Variants in DZIP1L observed in about 807,000 individuals in gnomAD.
DZIP1L encodes cilium assembly protein DZIP1L.
In DZIP1L, 90 loss-of-function variants were observed where a neutral mutation model predicts 88.7. The observed-to-expected ratio is 1.02, with a 90% CI of 0.86 to 1.21. DZIP1L has a LOEUF of 1.21. DZIP1L is among the 50% of genes most tolerant of loss of function. The pLI is 0.00. For synonymous variants in DZIP1L, 363 were observed against 372.1 expected (o/e 0.98, Z 0.28); for missense variants, 932 against 955.8 (o/e 0.98, Z 0.33).
chr3:138,101,063 CATAT>C (rs968467348), intron 2 of DZIP1L, among the ~76,000 whole-genome samples: 2 of 152,120 alleles, frequency 1.3e-5, no homozygotes, highest in Non-Finnish European at 2.9e-5. Flanking sequence ...AATCCTCCAT[CATAT>C]ATAAATATGC....
chr3:138,095,052 T>C (rs1944407228), intron 3 of DZIP1L, 69 bp from the exon 4 acceptor site: 2 of 1,606,744 alleles, frequency 1.2e-6, no homozygotes, highest in African/African-American at 1.3e-5. Flanking sequence ...GTTTCTCACC[T>C]TGTCAATCAG....
At chr3:138,089,085 T>C in intron 5 of DZIP1L, 1 of 985,454 alleles carries the variant, frequency 1.0e-6, no homozygotes, top group Non-Finnish European at 1.2e-6. Flanking sequence ...TTATAATATA[T>C]GACTGTCGTA....
rs1435657735 is a variant in DZIP1L, at chr3:138,077,646, C to T, written c.1289-14G>A. On this transcript the variant is annotated splice_polypyrimidine_tract_variant and intron_variant, in intron 10 of 15. Transcript: ENST00000327532. ...AGTCCTCCATCTCTGTAGCATGAGA[C>T]ATTCACCCAGATCAGCCTGGGCACC... 3.7e-6 allele frequency: 6 copies of T among 1,613,712 alleles called. No individual in the cohort carries two copies. Among genetic ancestry groups the T allele is most frequent in the Non-Finnish European group, 5.1e-6 (6 of 1,179,790 alleles).
intron 3 of DZIP1L, among the ~76,000 whole-genome samples, chr3:138,097,085 G>A (rs573327132): frequency 2.1e-4 from 32 of 151,996 alleles, no homozygotes; most frequent in Non-Finnish European, 3.8e-4. Context: ...GGAGGCTGAG[G>A]TACGGGGATT....
intron 10 of DZIP1L, among the ~76,000 whole-genome samples, chr3:138,079,271 CCTAT>C (rs1311508416): frequency 6.6e-6 from 1 of 152,282 alleles, no homozygotes; most frequent in Admixed American, 6.5e-5. Context: ...TGTGATTCAT[CCTAT>C]CTGAGTTACT....
intron 1 of DZIP1L, among the ~76,000 whole-genome samples, chr3:138,114,257 T>C (rs1007870400): frequency 6.6e-6 from 1 of 152,214 alleles, no homozygotes; most frequent in Non-Finnish European, 1.5e-5. Context: ...CAATTTGAGT[T>C]GAGCAAAAAA....
intron 12 of DZIP1L, among the ~76,000 whole-genome samples, chr3:138,070,586 C>A (rs1416253344): frequency 1.3e-5 from 2 of 152,090 alleles, no homozygotes; most frequent in Non-Finnish European, 2.9e-5. Context: ...CTATGTTAGT[C>A]TTATTTTCTT....
chr3:138,101,846 C>A lies in DZIP1L; in HGVS notation c.501+1625G>T. The A allele has an allele frequency of 2.3e-6, 3 of 1,324,470 alleles. No homozygotes were observed. The South Asian group carries it at 3.5e-5, about 16-fold the overall frequency. 82.0% of individuals were successfully genotyped at this position (1,324,470 alleles called of 1,614,324 possible). On this transcript the variant is annotated intron_variant, in intron 2 of 15. Coordinates refer to ENST00000327532, the MANE Select transcript of DZIP1L (RefSeq NM_173543.3). Reference sequence around the variant, plus strand: ...AGCTGCCGCTCCATGTCCTGCTTGGCCCGCTGCAGGGCGCCCTCCAGCTCG... The same window carrying A: ...AGCTGCCGCTCCATGTCCTGCTTGGACCGCTGCAGGGCGCCCTCCAGCTCG...
At chr3:138,106,701 G>A (rs9812778) in intron 1 of DZIP1L, among the ~76,000 whole-genome samples, 87,973 of 151,156 alleles carry the variant, frequency 0.58, 27,777 homozygotes, top group Non-Finnish European at 0.7. Context: ...GCGTGGTGGC[G>A]TGCACCTGTA....
chr3:138,089,463 G>A (rs1290291291), intron 5 of DZIP1L, among the ~76,000 whole-genome samples: 1 of 152,182 alleles, frequency 6.6e-6, no homozygotes, highest in Admixed American at 6.5e-5. Context: ...CTAATCTAAA[G>A]TTCTCTCTTT....
rs1164533545 is a variant in DZIP1L at position 138,103,870 on chromosome 3, GT to G, written c.101del (p.Asp34AlafsTer10). ...FKFQPRHDSM[D>X]WRRISTLDVD... ...CATCCAGGGTGCTAATGCGTCTCCA[GT>G]CCATGCTATCATGGCGAGGCTGAAA... On this transcript the variant is annotated frameshift_variant, in exon 2 of 16. Transcript: ENST00000327532. LOFTEE classifies it high-confidence loss of function. 1 of 1,614,066 alleles carries G rather than the reference GT, an allele frequency of 6.2e-7. No individual in the cohort carries two copies. The highest frequency in any genetic ancestry group is 8.5e-7 in the Non-Finnish European group (1 of 1,180,030).
At chr3:138,103,362 G>A (rs2042381923) in intron 2 of DZIP1L, 109 bp downstream of exon 2, 3 of 1,263,814 alleles carry the variant, frequency 2.4e-6, no homozygotes, top group Admixed American at 4.5e-5. Flanking sequence ...AGTGAGAACA[G>A]CCCCCCAGCA....
intron 2 of DZIP1L, chr3:138,102,981 G>A (rs2042366073): frequency 6.2e-6 from 3 of 483,822 alleles, no homozygotes; most frequent in Admixed American, 3.3e-5. Flanking sequence ...GAGCAGAGAA[G>A]CTGCTTCTTG....
Position 138,067,602 on chromosome 3 carries a change from G to C in DZIP1L, c.1931C>G (p.Pro644Arg), listed in dbSNP as rs1236455717. ...PKVPSRMVPR[P>R]KDDWDWSDTE... is the part of the protein sequence containing the mutation. ...GTCAGACCAGTCCCAGTCATCCTTG[G>C]GCCGGGGCACCATCCTGGAAGGAAC... Residue 644 changes from proline to arginine, a missense_variant, in exon 14 of 16, where the codon CCC (proline) becomes CGC (arginine). Transcript: ENST00000327532. The C allele has an allele frequency of 6.2e-7, 1 of 1,611,886 alleles. No homozygotes were observed. Among genetic ancestry groups the C allele is most frequent in the Non-Finnish European group, 8.5e-7 (1 of 1,179,018 alleles).
At position 138,106,161 on chromosome 3, in the gene DZIP1L, C is replaced by A. The variant is rs1271136997; in HGVS notation, c.-81-2109G>T. On this transcript the variant is annotated intron_variant, in intron 1 of 15. Transcript: ENST00000327532. Reference sequence around the variant, plus strand: ...TTTTTTTTTTTTTTTTTTTTTGAGACAGTGTCTCGCACTGTCGCCCAGGCT... The same window carrying A: ...TTTTTTTTTTTTTTTTTTTTTGAGAAAGTGTCTCGCACTGTCGCCCAGGCT... 4.3e-4 allele frequency among the ~76,000 whole-genome samples: 40 copies of A among 93,570 alleles called. No homozygotes were observed. The South Asian group carries it at 0.01, about 24-fold the overall frequency. 61.4% of individuals were successfully genotyped at this position (93,570 alleles called of 152,430 possible).
intron 1 of DZIP1L, among the ~76,000 whole-genome samples, chr3:138,114,469 A>G (rs1225816334): frequency 6.6e-6 from 1 of 152,236 alleles, no homozygotes; most frequent in African/African-American, 2.4e-5. Context: ...CTGGAGGATC[A>G]GCCTTCCCTA....
intron 3 of DZIP1L, among the ~76,000 whole-genome samples, chr3:138,096,470 T>C (rs747295090): frequency 7.9e-5 from 12 of 152,174 alleles, no homozygotes; most frequent in Admixed American, 2.0e-4. Flanking sequence ...TTTAATGACA[T>C]TGGAAAATAA....
chr3:138,073,550 G>A (rs1253570027), intron 11 of DZIP1L, among the ~76,000 whole-genome samples: 1 of 152,206 alleles, frequency 6.6e-6, no homozygotes, highest in African/African-American at 2.4e-5. Flanking sequence ...CCATGGGACA[G>A]AAGCATCTGA....
At chr3:138,064,868 GAGC>G in intron 14 of DZIP1L, 101 bp from the exon 15 acceptor site, 1 of 1,484,274 alleles carries the variant, frequency 6.7e-7, no homozygotes, top group Non-Finnish European at 9.0e-7. Flanking sequence ...TAGAGGGAAT[GAGC>G]AGAAGGGCCA....
Sources: allele counts gnomAD v4.1 joint callset (sites outside exome capture counted in the v4.1 genomes callset), GRCh38; gene constraint gnomAD v4.1.1; transcripts MANE v1.5; gene names NCBI Gene and HGNC (gene_info 2026-07-23, HGNC 2026-07-21).